Variants in BFSP2 observed in about 807,000 individuals in gnomAD.
BFSP2 encodes phakinin.
A neutral mutation model predicts 44.9 loss-of-function variants in BFSP2; 38 were observed. That is an observed-to-expected ratio of 0.85 (90% CI 0.65 to 1.11). The LOEUF (loss-of-function observed/expected upper bound fraction) is 1.11, where lower values mean the gene tolerates loss of function less well. Ranked by LOEUF, BFSP2 falls within the 50% of genes least tolerant of loss-of-function variation. The pLI, the probability that BFSP2 is intolerant of heterozygous loss-of-function variation, is 0.00. For missense variants in BFSP2, 525 were observed against 533.0 expected, an observed-to-expected ratio of 0.99 and a Z score of 0.15; for synonymous variants, 197 against 209.9, an observed-to-expected ratio of 0.94 and a Z score of 0.53.
intron 1 of BFSP2, among the ~76,000 whole-genome samples, chr3:133,409,625 C>T (rs967438940): frequency 6.6e-5 from 10 of 152,266 alleles, no homozygotes; most frequent in African/African-American, 1.9e-4. Flanking sequence ...TCTGAAACAC[C>T]TTGTCATACC....
chr3:133,426,394 A>G (rs531534521), intron 1 of BFSP2, among the ~76,000 whole-genome samples: 3 of 152,340 alleles, frequency 2.0e-5, no homozygotes, highest in Admixed American at 6.5e-5. Context: ...AGCTCAGACA[A>G]CTGAGCATCC....
intron 1 of BFSP2, among the ~76,000 whole-genome samples, chr3:133,411,674 G>A (rs913882290): frequency 6.6e-6 from 1 of 151,660 alleles, no homozygotes; most frequent in Non-Finnish European, 1.5e-5. Flanking sequence ...GGCAGCACTT[G>A]AAGCCAATAG....
intron 4 of BFSP2, among the ~76,000 whole-genome samples, chr3:133,459,655 C>T (rs1046150394): frequency 1.3e-5 from 2 of 152,210 alleles, no homozygotes; most frequent in Non-Finnish European, 2.9e-5. Flanking sequence ...TTTTTAATCC[C>T]CGCTGAGGAG....
intron 1 of BFSP2, among the ~76,000 whole-genome samples, chr3:133,439,650 A>G (rs1445436872): frequency 1.3e-5 from 2 of 152,252 alleles, no homozygotes; most frequent in African/African-American, 4.8e-5. Flanking sequence ...AGGTAGCAGC[A>G]GGAGTCAAGG....
chr3:133,437,068 G>A (rs915810917), intron 1 of BFSP2, among the ~76,000 whole-genome samples: 20 of 152,172 alleles, frequency 1.3e-4, no homozygotes, highest in African/African-American at 3.6e-4. Context: ...ATAAACATAC[G>A]TGTGCATGTG....
At chr3:133,467,862 G>A (rs938920047) in intron 5 of BFSP2, among the ~76,000 whole-genome samples, 15 of 152,106 alleles carry the variant, frequency 9.9e-5, no homozygotes, top group Middle Eastern at 3.2e-3. Context: ...ATGTAGGTCC[G>A]TGCAAGCATG....
chr3:133,455,657 A>G (rs1162844816), intron 4 of BFSP2: 1 of 152,226 alleles, frequency 6.6e-6, no homozygotes, highest in African/African-American at 2.4e-5. Flanking sequence ...GAGATCATGG[A>G]GGCCATCTTA....
At chr3:133,473,591 C>A (rs2074187232) in intron 6 of BFSP2, among the ~76,000 whole-genome samples, 1 of 150,952 alleles carries the variant, frequency 6.6e-6, no homozygotes, top group South Asian at 2.1e-4. Flanking sequence ...TTTTCCTAGG[C>A]AGAGGACCCT....
chr3:133,432,438 T>G (rs1026512169), intron 1 of BFSP2, among the ~76,000 whole-genome samples: 3 of 152,204 alleles, frequency 2.0e-5, no homozygotes, highest in African/African-American at 7.2e-5. Context: ...GGACTGACGC[T>G]GACACCCATC....
chr3:133,432,199 A>C (rs918281410), intron 1 of BFSP2, among the ~76,000 whole-genome samples: 4 of 151,978 alleles, frequency 2.6e-5, no homozygotes, highest in Admixed American at 6.6e-5. Flanking sequence ...CTCTCCTTAC[A>C]ATTCCCCCAT....
chr3:133,474,753 G>A (rs1005678808), intron 6 of BFSP2, among the ~76,000 whole-genome samples: 5 of 152,218 alleles, frequency 3.3e-5, no homozygotes, highest in East Asian at 3.9e-4. Context: ...CTCATGATCC[G>A]TGTTTTAGAG....
At chr3:133,446,375 T>G (rs986361083) in intron 1 of BFSP2, among the ~76,000 whole-genome samples, 2 of 151,452 alleles carry the variant, frequency 1.3e-5, no homozygotes, top group Admixed American at 1.3e-4. Flanking sequence ...GAGCAGATAT[T>G]GTGCCACTGC....
intron 2 of BFSP2, among the ~76,000 whole-genome samples, chr3:133,447,740 T>A (rs13097062): frequency 6.6e-6 from 1 of 151,946 alleles, no homozygotes; most frequent in Non-Finnish European, 1.5e-5. Context: ...AAATTTATAT[T>A]CCTAACAAGT....
intron 1 of BFSP2, among the ~76,000 whole-genome samples, chr3:133,419,900 C>G (rs1301483926): frequency 1.3e-5 from 2 of 152,244 alleles, no homozygotes; most frequent in Admixed American, 6.5e-5. Flanking sequence ...GTGTGTGGCT[C>G]CGGCTCCGCC....
intron 1 of BFSP2, among the ~76,000 whole-genome samples, chr3:133,431,337 A>C (rs2073715090): frequency 6.6e-6 from 1 of 152,112 alleles, no homozygotes; most frequent in Non-Finnish European, 1.5e-5. Context: ...GCACACAAGA[A>C]CTTCCAAACA....
At chr3:133,431,571 CCTT>C (rs1311626229) in intron 1 of BFSP2, among the ~76,000 whole-genome samples, 1 of 152,122 alleles carries the variant, frequency 6.6e-6, no homozygotes, top group African/African-American at 2.4e-5. Context: ...CTGACTGACT[CCTT>C]CTTGGCTTAG....
At chr3:133,462,331 C>T (rs2074072051) in intron 4 of BFSP2, among the ~76,000 whole-genome samples, 1 of 152,212 alleles carries the variant, frequency 6.6e-6, no homozygotes, top group Admixed American at 6.5e-5. Context: ...GGTGCAAGAA[C>T]ATTTGAGAAA....
chr3:133,434,658 T>C (rs2073763084), intron 1 of BFSP2, among the ~76,000 whole-genome samples: 1 of 152,118 alleles, frequency 6.6e-6, no homozygotes. Context: ...CCTTAACTGA[T>C]GATATTCCAC....
At position 133,400,175 on chromosome 3, in the gene BFSP2, G is replaced by A. The variant is rs780733122; in HGVS notation, c.92G>A (p.Arg31Gln). Residue 31 changes from arginine to glutamine, a missense_variant, in exon 1 of 7, where the codon CGG (arginine) becomes CAG (glutamine). Arg to Gln is a conservative substitution (Grantham distance 43). Coordinates refer to ENST00000302334, the MANE Select transcript of BFSP2 (RefSeq NM_003571.4). The surrounding 1 kb of genome is among the most constrained non-coding windows in gnomAD (Gnocchi z 4.0). ...CGCAGGGCGTCCTTCAGGGGGCCAC[G>A]GTCATCATCCTCCCTGGAGAGCCCC... The part of the protein sequence containing the change: ...QRRRASFRGP[R>Q]SSSSLESPPA... The A allele has an allele frequency of 3.1e-5, 50 of 1,613,980 alleles. No homozygotes were observed. The East Asian group carries it at 3.1e-4, about 10-fold the overall frequency.
Sources: gnomAD v4.1 joint callset for allele counts (sites outside exome capture counted in the v4.1 genomes callset) on GRCh38, gnomAD v4.1.1 for gene constraint, Gnocchi (gnomAD v3.1) non-coding constraint, MANE v1.5 for transcripts, NCBI Gene and HGNC (gene_info 2026-07-23, HGNC 2026-07-21) for gene names.